TSC2: variants seen among roughly 807,000 people sequenced by gnomAD.
The protein encoded by TSC2 is TSC complex subunit 2, also known as tuberin.
In TSC2, 29 loss-of-function variants were observed where a neutral mutation model predicts 202.2. That is an observed-to-expected ratio of 0.14 (90% CI 0.11 to 0.20). The LOEUF is 0.20. TSC2 is among the 10% of genes least tolerant of loss of function. The pLI is 1.00. For missense variants in TSC2, 2,429 were observed against 2,420.0 expected (o/e 1.00, Z -0.08); for synonymous variants, 1,349 against 1,044.0 (o/e 1.29, Z -5.63).
rs1049538280 is a variant in TSC2 at position 2,083,736 on chromosome 16, C to G, written c.3925C>G (p.Pro1309Ala). The G allele has an allele frequency of 6.2e-7, 1 of 1,604,628 alleles. No individual in the cohort carries two copies. Among genetic ancestry groups the G allele is most frequent in the Non-Finnish European group, 8.5e-7 (1 of 1,176,820 alleles). ...GGAGGAGGGAAGTCCGGGCGAGGTT[C>G]CTGTGCTGGTGGAGCCCCCAGGGTT... ...VMEEGSPGEV[P>A]VLVEPPGLED... The change falls in exon 33 of 42, where the codon CCT becomes GCT. Residue 1309 changes from proline to alanine, a missense_variant. Coordinates refer to ENST00000219476, the MANE Select transcript of TSC2 (RefSeq NM_000548.5).
chr16:2,088,834 G>A lies in TSC2; in HGVS notation c.*224G>A, dbSNP rs1192763886. The A allele has an allele frequency of 1.6e-6, 1 of 612,918 alleles. No individual in the cohort carries two copies. The highest frequency in any genetic ancestry group is 2.8e-6 in the Non-Finnish European group (1 of 353,626). The allele number at this position is 612,918 out of a possible 1,614,324, so 38.0% of individuals were successfully genotyped here. A position where few individuals can be genotyped will look rare whatever the true frequency, so the allele number is the denominator to read the frequency against. On this transcript the variant is annotated 3_prime_UTR_variant, in exon 42 of 42. Transcript: ENST00000219476. ...GAAGCAGGCACAGCCAGCTCCGAGG[G>A]CCTTGAGGCTGCCTGGGCCATACAG...
At position 2,058,633 on chromosome 16, in the gene TSC2, C is replaced by G. The variant is rs546010987; in HGVS notation, c.849-114C>G. 1.7e-4 allele frequency: 261 copies of G among 1,492,428 alleles called. 4 individuals carry two copies. In the South Asian group the frequency reaches 2.0e-3, roughly 12 times the overall value. The allele number at this position is 1,492,428 out of a possible 1,614,324, so 92.4% of individuals were successfully genotyped here. On this transcript the variant is annotated intron_variant, in intron 9 of 41. Transcript: ENST00000219476. ...TTCCCCAGCGGTGCTCCTGCCCCCC[C>G]CAAGCACAGGGACCTCTGGGGCTGC...
intron 15 of TSC2, 140 bp downstream of exon 15, chr16:2,064,567 GTGTCCC>G: frequency 6.0e-6 from 8 of 1,325,010 alleles, no homozygotes; most frequent in Non-Finnish European, 7.3e-6. Context: ...TGCAGGGTGG[GTGTCCC>G]GAGGCCTGTG....
chr16:2,067,268 C>T (rs953816370), intron 16 of TSC2, among the ~76,000 whole-genome samples: 1 of 152,002 alleles, frequency 6.6e-6, no homozygotes, highest in Non-Finnish European at 1.5e-5. Context: ...AAGTGATCGT[C>T]CTGCCTCGGA....
rs758897944 is a variant in TSC2, at chr16:2,084,422, C to T, written c.4200C>T (p.Asp1400=). 1 of 1,611,352 alleles carries T rather than the reference C, an allele frequency of 6.2e-7. No individual in the cohort carries two copies. The highest frequency in any genetic ancestry group is 8.5e-7 in the Non-Finnish European group (1 of 1,179,468). The change falls in exon 34 of 42, where the codon GAC becomes GAT. Residue 1400 remains aspartate (D), a synonymous_variant. Transcript: ENST00000219476. The stretch of plus-strand genomic sequence containing the variant: ...AGACTCTGCAGGACATCCTCGGGGA[C>T]CCTGGGGACAAGGCCGACGTGGGCC... ...ELQTLQDILG[D]PGDKADVGRL... is the part of the protein sequence containing the mutation.
At position 2,079,058 on chromosome 16, in the gene TSC2, C is replaced by T. The variant is rs2089790275; in HGVS notation, c.2993C>T (p.Ala998Val). Residue 998 changes from alanine (A) to valine (V), a missense_variant, in exon 27 of 42, where the codon GCC (alanine) becomes GTC (valine). By Grantham distance (64) the Ala-to-Val change is moderately conservative (BLOSUM62 0). Coordinates refer to ENST00000219476, the MANE Select transcript of TSC2 (RefSeq NM_000548.5). This position sits in a 1 kb window ranked among gnomAD's most constrained non-coding sequence, Gnocchi z 4.6. Reference protein sequence around the residue: ...RSRIQTSLTSASLGSADENSV... With the variant: ...RSRIQTSLTSVSLGSADENSV... Reference sequence around the variant, plus strand: ...AGGATACAGACGTCCCTCACCAGTGCCAGCTTGGGGTCTGCAGATGAGAAC... The same window carrying T: ...AGGATACAGACGTCCCTCACCAGTGTCAGCTTGGGGTCTGCAGATGAGAAC... 1 of 1,612,926 alleles carries T rather than the reference C, an allele frequency of 6.2e-7. No homozygotes were observed. The highest frequency in any genetic ancestry group is 1.3e-5 in the African/African-American group (1 of 75,042).
In TSC2 at chr16:2,088,862, C is replaced by T. The variant is rs1394279685; in HGVS notation, c.*252C>T. The T allele has an allele frequency of 5.4e-6, 3 of 552,106 alleles. No homozygotes were observed. Among genetic ancestry groups the T allele is most frequent in the Admixed American group, 3.2e-5 (1 of 31,002 alleles). The allele number at this position is 552,106 out of a possible 1,614,324, so 34.2% of individuals were successfully genotyped here. A position where few individuals can be genotyped will look rare whatever the true frequency, so the allele number is the denominator to read the frequency against. ...TTGAGGCTGCCTGGGCCATACAGCA[C>T]ACTCGCGCGTGCGCGCGCGCACACA... On this transcript the variant is annotated 3_prime_UTR_variant, in exon 42 of 42. Coordinates refer to ENST00000219476, the MANE Select transcript of TSC2 (RefSeq NM_000548.5).
At position 2,084,430 on chromosome 16, in the gene TSC2, A is replaced by T. The variant is rs1359988294; in HGVS notation, c.4208A>T (p.Asp1403Val). 6.2e-7 allele frequency: 1 copy of T among 1,610,508 alleles called. No individual in the cohort carries two copies. Among genetic ancestry groups the T allele is most frequent in the Non-Finnish European group, 8.5e-7 (1 of 1,179,088 alleles). The stretch of plus-strand genomic sequence containing the variant: ...CAGGACATCCTCGGGGACCCTGGGG[A>T]CAAGGCCGACGTGGGCCGGCTGAGC... ...TLQDILGDPG[D>V]KADVGRLSPE... is the part of the protein sequence containing the mutation. Residue 1403 changes from aspartate (D) to valine (V), a missense_variant, in exon 34 of 42, where the codon GAC becomes GTC. By Grantham distance (152) the Asp-to-Val change is radical. Coordinates refer to ENST00000219476, the MANE Select transcript of TSC2 (RefSeq NM_000548.5).
intron 16 of TSC2, among the ~76,000 whole-genome samples, chr16:2,069,485 T>G (rs74983394): frequency 8.0e-6 from 1 of 124,672 alleles, no homozygotes. Context: ...ACCTGGCTAA[T>G]TTTTTTTTTT....
chr16:2,064,173 T>C (rs1596311301), intron 14 of TSC2, 99 bp from the exon 15 acceptor site: 5 of 1,582,694 alleles, frequency 3.2e-6, no homozygotes, highest in African/African-American at 1.3e-5. Context: ...CCGAGGGACA[T>C]GTCCGCTGCT....
chr16:2,079,483 A>AGCCCAG lies in TSC2; in HGVS notation c.3284+61_3285-63dup, dbSNP rs1596385059. The AGCCCAG allele has an allele frequency of 4.3e-6, 7 of 1,610,424 alleles. No homozygotes were observed. The East Asian group carries it at 1.6e-4, about 36-fold the overall frequency. Reference sequence around the variant, plus strand: ...GCCAGCCTCGACACCGGCTGTCCCGAGCCCAGGCCCACGTGGCACCCTCGT... The same window carrying AGCCCAG: ...GCCAGCCTCGACACCGGCTGTCCCGAGCCCAGGCCCAGGCCCACGTGGCACCCTCGT... On this transcript the variant is annotated intron_variant, in intron 28 of 41. Coordinates refer to ENST00000219476, the MANE Select transcript of TSC2 (RefSeq NM_000548.5). The surrounding 1 kb of genome is among the most constrained non-coding windows in gnomAD (Gnocchi z 4.6).
chr16:2,070,955 G>GCA, intron 17 of TSC2, among the ~76,000 whole-genome samples: 1 of 151,910 alleles, frequency 6.6e-6, no homozygotes, highest in East Asian at 1.9e-4. Context: ...AGCTGAGACG[G>GCA]CAGGGCAGGG....
rs2151619783 is a variant in TSC2, at chr16:2,088,053, G to A, written c.5074G>A (p.Glu1692Lys). 1 of 1,612,894 alleles carries A rather than the reference G, an allele frequency of 6.2e-7. No individual in the cohort carries two copies. The highest frequency in any genetic ancestry group is 8.5e-7 in the Non-Finnish European group (1 of 1,180,004). Residue 1692 changes from glutamate to lysine, a missense_variant, in exon 40 of 42, where the codon GAG becomes AAG. Glu to Lys is a moderately conservative substitution (Grantham distance 56). Transcript: ENST00000219476. ...LVSLQCRKDM[E>K]GLVDTSVAKI... is the part of the protein sequence containing the mutation. Reference sequence around the variant, plus strand: ...TGACCACCAAGTCTCCCCAGACATGGAGGGCCTTGTGGACACCAGCGTGGC... The same window carrying A: ...TGACCACCAAGTCTCCCCAGACATGAAGGGCCTTGTGGACACCAGCGTGGC...
Position 2,079,598 on chromosome 16 carries a change from C to T in TSC2, c.3326C>T (p.Pro1109Leu), listed in dbSNP as rs796053474. ...CATGTGAGACAGACCAAGGAGGCGC[C>T]GGCCAAGCTGGAGTCCCAGGCTGGG... is the stretch of plus-strand genomic sequence containing the variant. Reference protein sequence around the residue: ...GVHVRQTKEAPAKLESQAGQQ... With the variant: ...GVHVRQTKEALAKLESQAGQQ... The change falls in exon 29 of 42, where the codon CCG becomes CTG. Residue 1109 changes from proline to leucine, a missense_variant. Coordinates refer to ENST00000219476, the MANE Select transcript of TSC2 (RefSeq NM_000548.5). The surrounding 1 kb of genome is among the most constrained non-coding windows in gnomAD (Gnocchi z 4.6). 9 of 1,611,516 alleles carry T rather than the reference C, an allele frequency of 5.6e-6. No homozygotes were observed. The highest frequency in any genetic ancestry group is 5.0e-5 in the Admixed American group (3 of 59,878).
intron 12 of TSC2, 131 bp downstream of exon 12, chr16:2,062,139 C>G (rs904933198): frequency 3.0e-6 from 4 of 1,351,628 alleles, no homozygotes; most frequent in Admixed American, 4.0e-5. Context: ...GGTTTCTGCA[C>G]TCGGCAGGGA....
intron 5 of TSC2, chr16:2,054,757 C>T (rs555479507): frequency 8.1e-5 from 38 of 469,398 alleles, no homozygotes; most frequent in South Asian, 4.7e-4. Flanking sequence ...GACTTGGTCT[C>T]AACCGGAGCG....
rs2151437774 is a variant in TSC2 at position 2,079,310 on chromosome 16, A to G, written c.3166A>G (p.Arg1056Gly). The change falls in exon 28 of 42, where the codon AGG (arginine) becomes GGG (glycine). Residue 1056 changes from arginine to glycine, a missense_variant. Physicochemically the swap from Arg to Gly is moderately radical, Grantham distance 125 (BLOSUM62 -2). Coordinates refer to ENST00000219476, the MANE Select transcript of TSC2 (RefSeq NM_000548.5). This position sits in a 1 kb window ranked among gnomAD's most constrained non-coding sequence, Gnocchi z 4.6. ...GGGCGAGTTCCTCCTAGCGGGTGGC[A>G]GGACCAAAACCTGGCTGGTTGGGAA... ...PVGEFLLAGG[R>G]TKTWLVGNKL... is the part of the protein sequence containing the mutation. The G allele has an allele frequency of 1.9e-6, 3 of 1,613,078 alleles. No individual in the cohort carries two copies. Among genetic ancestry groups the G allele is most frequent in the South Asian group, 1.1e-5 (1 of 91,082 alleles).
intron 30 of TSC2, chr16:2,080,674 T>A: frequency 5.0e-6 from 2 of 401,396 alleles, no homozygotes; most frequent in Non-Finnish European, 4.7e-6. Context: ...CTAGTAGAGA[T>A]GGGGTTTCAC....
rs189502160 is a variant in TSC2 at position 2,076,871 on chromosome 16, T to G, written c.2837+286T>G. On this transcript the variant is annotated intron_variant, in intron 25 of 41. Coordinates refer to ENST00000219476, the MANE Select transcript of TSC2 (RefSeq NM_000548.5). ...CCTGAGCCCCTCGAAGGAGCCGGCC[T>G]TGTCTGGGGCTGCCCCCTCCTCTGC... Among the ~76,000 whole-genome samples the G allele has an allele frequency of 5.0e-3, 764 of 152,250 alleles. 8 individuals carry two copies. Among genetic ancestry groups the G allele is most frequent in the African/African-American group, 0.017 (714 of 41,546 alleles).
Sources: gnomAD v4.1 joint callset for allele counts (sites outside exome capture counted in the v4.1 genomes callset) on GRCh38, gnomAD v4.1.1 for gene constraint, Gnocchi (gnomAD v3.1) non-coding constraint, MANE v1.5 for transcripts, NCBI Gene and HGNC (gene_info 2026-07-23, HGNC 2026-07-21) for gene names.